Variants in EPB41L5 observed in about 807,000 individuals in gnomAD.
The protein encoded by EPB41L5 is band 4.1-like protein 5.
EPB41L5 carries 55 observed loss-of-function variants against 106.6 expected under a neutral mutation model. That is an observed-to-expected ratio of 0.52 (90% CI 0.42 to 0.65). The LOEUF (loss-of-function observed/expected upper bound fraction) is 0.65. EPB41L5 is among the 30% of genes least tolerant of loss of function. EPB41L5 has a pLI of 0.00. For missense variants in EPB41L5, 871 were observed against 882.1 expected, an observed-to-expected ratio of 0.99 and a Z score of 0.16; for synonymous variants, 297 against 306.7, an observed-to-expected ratio of 0.97 and a Z score of 0.33.
chr2:120,133,080 G>A (rs1365392369), intron 18 of EPB41L5, among the ~76,000 whole-genome samples: 1 of 152,120 alleles, frequency 6.6e-6, no homozygotes, highest in Non-Finnish European at 1.5e-5. Flanking sequence ...AGCACTTTAG[G>A]TGAAGGACAG....
intron 18 of EPB41L5, among the ~76,000 whole-genome samples, chr2:120,134,459 A>G (rs1337710912): frequency 1.3e-5 from 2 of 152,108 alleles, no homozygotes; most frequent in Non-Finnish European, 2.9e-5. Context: ...GTGTTGGCCA[A>G]ACAATAGTCA....
At chr2:120,063,801 G>T (rs1403249266) in intron 3 of EPB41L5, among the ~76,000 whole-genome samples, 1 of 152,114 alleles carries the variant, frequency 6.6e-6, no homozygotes, top group East Asian at 1.9e-4. Context: ...AATTAGCCGG[G>T]CGTGGTGGCG....
intron 20 of EPB41L5, among the ~76,000 whole-genome samples, chr2:120,146,718 T>G (rs1487398743): frequency 6.6e-6 from 1 of 152,230 alleles, no homozygotes; most frequent in Non-Finnish European, 1.5e-5. Flanking sequence ...CCTTGCTCCC[T>G]TTAATGAGTA....
intron 16 of EPB41L5, among the ~76,000 whole-genome samples, chr2:120,107,320 T>C (rs1456212233): frequency 6.6e-6 from 1 of 152,150 alleles, no homozygotes; most frequent in Non-Finnish European, 1.5e-5. Context: ...CTTTGAATAT[T>C]GGTTTGAAAA....
chr2:120,029,078 G>C (rs1436660533), intron 2 of EPB41L5, among the ~76,000 whole-genome samples: 8 of 152,154 alleles, frequency 5.3e-5, no homozygotes, highest in Non-Finnish European at 1.2e-4. Context: ...GAAGGAGATA[G>C]CACGGCAGTT....
At chr2:120,047,965 A>G (rs1325881848) in intron 3 of EPB41L5, among the ~76,000 whole-genome samples, 2 of 152,174 alleles carry the variant, frequency 1.3e-5, no homozygotes, top group African/African-American at 4.8e-5. Flanking sequence ...GATTACGTTT[A>G]TTGATTGGCA....
At chr2:120,129,538 CTTGATATCCA>C (rs992980462) in intron 17 of EPB41L5, among the ~76,000 whole-genome samples, 6 of 152,194 alleles carry the variant, frequency 3.9e-5, no homozygotes, top group Non-Finnish European at 5.9e-5. Flanking sequence ...TTACATTCCA[CTTGATATCCA>C]TTACACTAAT....
intron 20 of EPB41L5, 165 bp from the exon 21 acceptor site, chr2:120,160,716 T>G: frequency 1.7e-6 from 1 of 589,418 alleles, no homozygotes; most frequent in Admixed American, 3.0e-5. Flanking sequence ...CGAGATGATG[T>G]CTCATCATAG....
At chr2:120,104,857 T>C (rs1464542016) in intron 16 of EPB41L5, 3 of 972,854 alleles carry the variant, frequency 3.1e-6, no homozygotes, top group African/African-American at 1.8e-5. Flanking sequence ...ATGTGGCTCA[T>C]GTATAGAGAA....
chr2:120,160,032 A>G (rs1417394181), intron 20 of EPB41L5, among the ~76,000 whole-genome samples: 1 of 152,236 alleles, frequency 6.6e-6, no homozygotes, highest in Admixed American at 6.5e-5. Flanking sequence ...ACGTGGACAC[A>G]TAGAGGTGAA....
At chr2:120,023,675 G>A (rs999787220) in intron 2 of EPB41L5, among the ~76,000 whole-genome samples, 3 of 152,048 alleles carry the variant, frequency 2.0e-5, no homozygotes, top group East Asian at 1.9e-4. Context: ...GCTCTTTTTC[G>A]GTTCCATATG....
Position 120,077,030 on chromosome 2 carries a change from T to G in EPB41L5, c.565T>G (p.Phe189Val). ...HSPELVSEFR[F>V]VPIQTEEMEL... ...TCCTGAACTTGTCTCAGAGTTCAGA[T>G]TCGTGCCTATTCAGACTGAAGAGAT... Residue 189 changes from phenylalanine to valine, a missense_variant, in exon 8 of 25, where the codon TTC (phenylalanine) becomes GTC (valine). Physicochemically the swap from Phe to Val is conservative, Grantham distance 50 (BLOSUM62 -1). Coordinates refer to ENST00000263713, the MANE Select transcript of EPB41L5 (RefSeq NM_020909.4). 6.2e-7 allele frequency: 1 copy of G among 1,613,120 alleles called. No individual in the cohort carries two copies. Among genetic ancestry groups the G allele is most frequent in the Non-Finnish European group, 8.5e-7 (1 of 1,179,314 alleles).
intron 2 of EPB41L5, among the ~76,000 whole-genome samples, chr2:120,026,564 T>C (rs1243583307): frequency 6.6e-6 from 1 of 152,198 alleles, no homozygotes; most frequent in Non-Finnish European, 1.5e-5. Flanking sequence ...AGACGGGATT[T>C]CACCATGTTT....
At position 120,090,371 on chromosome 2, in the gene EPB41L5, G is replaced by A. The variant is rs1472457443; in HGVS notation, c.898G>A (p.Val300Ile). 1.9e-6 allele frequency: 3 copies of A among 1,608,698 alleles called. No homozygotes were observed. The highest frequency in any genetic ancestry group is 1.7e-6 in the Non-Finnish European group (2 of 1,178,592). Residue 300 changes from valine to isoleucine, a missense_variant, in exon 12 of 25, where the codon GTC becomes ATC. By Grantham distance (29) the Val-to-Ile change is conservative. Transcript: ENST00000263713. ...DQGKEQEHTF[V>I]FRLDHPKACK... ...GGGCAAAGAACAGGAACATACATTTGTCTTTAGACTGGATCATCCAAAAGC... is the reference window on the plus strand; with the variant it reads ...GGGCAAAGAACAGGAACATACATTTATCTTTAGACTGGATCATCCAAAAGC...
At chr2:120,139,206 C>A (rs1388129206) in intron 18 of EPB41L5, among the ~76,000 whole-genome samples, 12 of 152,036 alleles carry the variant, frequency 7.9e-5, no homozygotes. Flanking sequence ...AATCTAAGGT[C>A]TCAAACTATG....
rs889846515 is a variant in EPB41L5 at position 120,175,040 on chromosome 2, C to T, written c.*133C>T. The stretch of plus-strand genomic sequence containing the variant: ...CTGCACGTAGATTTGACTTCAACTC[C>T]GTAAAAAAGACAGCTGTATTTTCCG... On this transcript the variant is annotated 3_prime_UTR_variant, in exon 25 of 25. Coordinates refer to ENST00000263713, the MANE Select transcript of EPB41L5 (RefSeq NM_020909.4). 2.0e-5 allele frequency: 17 copies of T among 833,066 alleles called. No homozygotes were observed. Among genetic ancestry groups the T allele is most frequent in the Non-Finnish European group, 3.5e-5 (17 of 489,350 alleles). 51.6% of individuals were successfully genotyped at this position (833,066 alleles called of 1,614,324 possible).
rs571350236 is a variant in EPB41L5, at chr2:120,018,212, C to G, written c.-8-865C>G. ...TCGATCTCCTGACCTCGTGATCCAC[C>G]TGCCTTGGCCTCCCAAAGTGCTAGA... On this transcript the variant is annotated intron_variant, in intron 1 of 24. Coordinates refer to ENST00000263713, the MANE Select transcript of EPB41L5 (RefSeq NM_020909.4). 9.2e-5 allele frequency among the ~76,000 whole-genome samples: 14 copies of G among 152,126 alleles called. No homozygotes were observed. In the South Asian group the frequency reaches 1.9e-3, roughly 20 times the overall value.
intron 16 of EPB41L5, among the ~76,000 whole-genome samples, chr2:120,102,256 A>G (rs1023071317): frequency 3.9e-5 from 6 of 152,180 alleles, no homozygotes; most frequent in African/African-American, 1.2e-4. Context: ...GTTAGGTACT[A>G]CTTGGTTTCT....
chr2:120,096,566 G>T (rs1195828422), intron 14 of EPB41L5, among the ~76,000 whole-genome samples: 1 of 152,190 alleles, frequency 6.6e-6, no homozygotes, highest in Non-Finnish European at 1.5e-5. Flanking sequence ...AAGGCAGGCA[G>T]ATCACCTGAG....
Sources: allele counts gnomAD v4.1 joint callset (sites outside exome capture counted in the v4.1 genomes callset), GRCh38; gene constraint gnomAD v4.1.1; transcripts MANE v1.5; gene names NCBI Gene and HGNC (gene_info 2026-07-23, HGNC 2026-07-21).